The following PDZD2 variants were observed in gnomAD, a reference collection of about 807,000 sequenced individuals.
The protein encoded by PDZD2 is PDZ domain-containing protein 2.
PDZD2 carries 90 observed loss-of-function variants against 220.7 expected under a neutral mutation model. That is an observed-to-expected ratio of 0.41 (90% CI 0.34 to 0.49). The LOEUF (loss-of-function observed/expected upper bound fraction) is 0.49, where lower values mean the gene tolerates loss of function less well. Among genes scored for constraint, PDZD2 ranks in the 20% least tolerant of loss-of-function variants. PDZD2 has a pLI of 0.28. For synonymous variants in PDZD2, 1,375 were observed against 1,450.5 expected, an observed-to-expected ratio of 0.95 and a Z score of 1.18; for missense variants, 3,174 against 3,608.5, an observed-to-expected ratio of 0.88 and a Z score of 3.08.
At chr5:31,820,099 G>C (rs1159379558) in intron 2 of PDZD2, among the ~76,000 whole-genome samples, 2 of 152,232 alleles carry the variant, frequency 1.3e-5, no homozygotes, top group Non-Finnish European at 1.5e-5. Context: ...GCTGGGTCCG[G>C]TAATGAGGTG....
Position 31,911,171 on chromosome 5 carries a change from A to G in PDZD2, c.477-71984A>G, listed in dbSNP as rs184285657. On this transcript the variant is annotated intron_variant, in intron 2 of 24. Coordinates refer to ENST00000438447, the MANE Select transcript of PDZD2 (RefSeq NM_178140.4). ...CATGTATGGTATGTAAGCCAAATCA[A>G]TTTGTGATGATTTGATGGGATAGTT... Among the ~76,000 whole-genome samples, 327 of 152,344 alleles carry G rather than the reference A, an allele frequency of 2.1e-3. 2 individuals carry two copies. The highest frequency in any genetic ancestry group is 7.7e-3 in the East Asian group (40 of 5,190).
chr5:31,768,640 C>CA (rs35950291), intron 1 of PDZD2, among the ~76,000 whole-genome samples: 9,261 of 125,904 alleles, frequency 0.074, 807 homozygotes, highest in East Asian at 0.47. Flanking sequence ...GACTCTGTCT[C>CA]AAAAAAAAAA....
intron 1 of PDZD2, among the ~76,000 whole-genome samples, chr5:31,658,937 C>A (rs925463807): frequency 6.6e-6 from 1 of 152,128 alleles, no homozygotes; most frequent in Non-Finnish European, 1.5e-5. Flanking sequence ...CTTCTTAAAT[C>A]TCTCATTAAT....
intron 4 of PDZD2, among the ~76,000 whole-genome samples, chr5:31,996,085 C>G (rs60268619): frequency 1.3e-5 from 2 of 152,096 alleles, no homozygotes; most frequent in Admixed American, 6.6e-5. Context: ...TCTTAACTCC[C>G]GTAAGACTTG....
chr5:31,930,567 G>A (rs887668205), intron 2 of PDZD2, among the ~76,000 whole-genome samples: 3 of 152,108 alleles, frequency 2.0e-5, no homozygotes, highest in African/African-American at 4.8e-5. Flanking sequence ...TCTCAAATAC[G>A]CATCAAGGTG....
At chr5:31,972,828 A>G (rs947674045) in intron 2 of PDZD2, among the ~76,000 whole-genome samples, 1 of 152,196 alleles carries the variant, frequency 6.6e-6, no homozygotes, top group African/African-American at 2.4e-5. Flanking sequence ...AAATGTGGCA[A>G]ACCTCATCAA....
intron 6 of PDZD2, among the ~76,000 whole-genome samples, chr5:32,034,219 T>C (rs1228017906): frequency 6.6e-6 from 1 of 152,170 alleles, no homozygotes; most frequent in Non-Finnish European, 1.5e-5. Context: ...TTTCCAACGT[T>C]TGGGACCTTG....
chr5:31,839,498 A>G (rs1466307408), intron 2 of PDZD2, among the ~76,000 whole-genome samples: 1 of 152,224 alleles, frequency 6.6e-6, no homozygotes, highest in Non-Finnish European at 1.5e-5. Flanking sequence ...AGATCTGCCT[A>G]AGAGACAGAA....
chr5:32,085,154 C>T (rs997636678), intron 19 of PDZD2, among the ~76,000 whole-genome samples: 10 of 151,590 alleles, frequency 6.6e-5, no homozygotes, highest in Admixed American at 6.6e-5. Context: ...AGGGTTTCAC[C>T]ATGTTGGCCA....
intron 2 of PDZD2, chr5:31,843,456 G>A (rs1473175162): frequency 2.6e-5 from 4 of 151,412 alleles, no homozygotes; most frequent in Non-Finnish European, 5.9e-5. Context: ...TAGTAGAGAT[G>A]GGGTTTCACC....
chr5:32,077,713 C>G, intron 19 of PDZD2, 107 bp downstream of exon 19: 1 of 1,198,824 alleles, frequency 8.3e-7, no homozygotes, highest in Non-Finnish European at 1.2e-6. Context: ...TCCCAGCACT[C>G]TGGGAGGCCG....
In PDZD2 at chr5:32,083,419, T is replaced by C. The variant is rs1283783510; in HGVS notation, c.3683-3712T>C. On this transcript the variant is annotated intron_variant, in intron 19 of 24. Coordinates refer to ENST00000438447, the MANE Select transcript of PDZD2 (RefSeq NM_178140.4). The surrounding 1 kb of genome is among the most constrained non-coding windows in gnomAD (Gnocchi z 4.1). Reference sequence around the variant, plus strand: ...ACCGCACTGCTATCCTGCAGGCTCTTCTACACCCGACATCACCTGGAGAGG... The same window carrying C: ...ACCGCACTGCTATCCTGCAGGCTCTCCTACACCCGACATCACCTGGAGAGG... 6.6e-6 allele frequency: 1 copy of C among 152,202 alleles called. No individual in the cohort carries two copies. The highest frequency in any genetic ancestry group is 1.5e-5 in the Non-Finnish European group (1 of 68,066). 9.4% of individuals were successfully genotyped at this position (152,202 alleles called of 1,614,324 possible). A position where few individuals can be genotyped will look rare whatever the true frequency, so the allele number is the denominator to read the frequency against.
Position 32,089,583 on chromosome 5 carries a change from G to A in PDZD2, c.6135G>A (p.Met2045Ile). ...PVSPAASRNG[M>I]SVAGNRQSEP... ...GTCCGGCAGCGTCTAGGAACGGCATGTCCGTGGCAGGGAACAGACAGAGTG... is the reference window on the plus strand; with the variant it reads ...GTCCGGCAGCGTCTAGGAACGGCATATCCGTGGCAGGGAACAGACAGAGTG... The change falls in exon 20 of 25, where the codon ATG (methionine) becomes ATA (isoleucine). Residue 2045 changes from methionine (M) to isoleucine (I), a missense_variant. Met to Ile is a conservative substitution (Grantham distance 10). This residue lies in a region of PDZD2 where 1,861 missense variants were observed against 2,001.0 expected (regional missense o/e 0.93). Transcript: ENST00000438447. 1.2e-6 allele frequency: 2 copies of A among 1,612,554 alleles called. No individual in the cohort carries two copies. The highest frequency in any genetic ancestry group is 1.3e-5 in the African/African-American group (1 of 75,060).
chr5:31,822,685 A>G (rs1003748499), intron 2 of PDZD2: 7 of 1,314,378 alleles, frequency 5.3e-6, no homozygotes, highest in East Asian at 2.8e-5. Flanking sequence ...AACAAGCTCA[A>G]TGTCATTTCC....
chr5:31,752,157 C>T (rs1346459789), intron 1 of PDZD2, among the ~76,000 whole-genome samples: 1 of 138,144 alleles, frequency 7.2e-6, no homozygotes, highest in Non-Finnish European at 1.5e-5. Context: ...TAGCTCACTT[C>T]AACCTCGACC....
intron 2 of PDZD2, among the ~76,000 whole-genome samples, chr5:31,929,745 G>A (rs1380142366): frequency 1.6e-4 from 4 of 25,530 alleles, no homozygotes; most frequent in Admixed American, 6.9e-4. Context: ...CCAGCTACTC[G>A]GGAGGCTGAA....
chr5:31,666,475 G>A (rs924257801), intron 1 of PDZD2, among the ~76,000 whole-genome samples: 4 of 152,238 alleles, frequency 2.6e-5, no homozygotes, highest in Non-Finnish European at 4.4e-5. Flanking sequence ...ATTTTGACAA[G>A]TTCATACATG....
At chr5:31,898,163 G>A (rs775922825) in intron 2 of PDZD2, among the ~76,000 whole-genome samples, 6 of 152,272 alleles carry the variant, frequency 3.9e-5, no homozygotes, top group Non-Finnish European at 5.9e-5. Flanking sequence ...TATACCAAAA[G>A]TACAGAGTAT....
intron 1 of PDZD2, among the ~76,000 whole-genome samples, chr5:31,781,566 C>T (rs990114223): frequency 5.3e-4 from 80 of 152,298 alleles, no homozygotes; most frequent in African/African-American, 1.9e-3. Context: ...AATGTGTTAG[C>T]TGCTTAAATT....
Sources: gnomAD v4.1 joint callset for allele counts (sites outside exome capture counted in the v4.1 genomes callset) on GRCh38, gnomAD v4.1.1 for gene constraint, gnomAD v4.1.1 regional missense constraint, Gnocchi (gnomAD v3.1) non-coding constraint, MANE v1.5 for transcripts, NCBI Gene and HGNC (gene_info 2026-07-23, HGNC 2026-07-21) for gene names.